SFMBT2: variants seen among roughly 807,000 people sequenced by gnomAD.
The protein encoded by SFMBT2 is Scm like with four mbt domains 2, also known as scm-like with four MBT domains protein 2.
In SFMBT2, 38 loss-of-function variants were observed where a neutral mutation model predicts 110.1. The observed-to-expected ratio is 0.35, with a 90% CI of 0.27 to 0.45. The LOEUF (loss-of-function observed/expected upper bound fraction) is 0.45. Ranked by LOEUF, SFMBT2 falls within the 20% of genes least tolerant of loss-of-function variation. The pLI is 1.00. For synonymous variants in SFMBT2, 425 were observed against 425.4 expected, an observed-to-expected ratio of 1.00 and a Z score of 0.01; for missense variants, 1,011 against 1,094.9, an observed-to-expected ratio of 0.92 and a Z score of 1.08.
intron 4 of SFMBT2, chr10:7,348,371 A>G: frequency 6.8e-7 from 1 of 1,474,090 alleles, no homozygotes; most frequent in Non-Finnish European, 9.0e-7. Context: ...TAATGGCTAT[A>G]ACTTGCTCCT....
intron 4 of SFMBT2, among the ~76,000 whole-genome samples, chr10:7,340,042 A>G (rs1843841538): frequency 6.6e-6 from 1 of 152,184 alleles, no homozygotes; most frequent in African/African-American, 2.4e-5. Flanking sequence ...TGCAAGTGAA[A>G]GCCATGCAGG....
chr10:7,266,726 C>T (rs1433965280), intron 7 of SFMBT2, among the ~76,000 whole-genome samples: 2 of 152,142 alleles, frequency 1.3e-5, no homozygotes, highest in Non-Finnish European at 2.9e-5. Flanking sequence ...CAAGCTCTGG[C>T]GTGATGGGAC....
At chr10:7,381,392 T>C (rs1234308440) in intron 2 of SFMBT2, among the ~76,000 whole-genome samples, 3 of 152,192 alleles carry the variant, frequency 2.0e-5, no homozygotes, top group African/African-American at 4.8e-5. Flanking sequence ...ACTAACTTCC[T>C]GTCAAGGGGT....
chr10:7,327,765 C>A (rs1843439316), intron 4 of SFMBT2, among the ~76,000 whole-genome samples: 1 of 151,792 alleles, frequency 6.6e-6, no homozygotes, highest in African/African-American at 2.4e-5. Flanking sequence ...CAGCATGATG[C>A]CTTCAAGATT....
At chr10:7,199,348 C>T (rs532809658) in intron 14 of SFMBT2, among the ~76,000 whole-genome samples, 38 of 152,246 alleles carry the variant, frequency 2.5e-4, no homozygotes, top group African/African-American at 8.7e-4. Context: ...CCGCCCCCAC[C>T]CTGACTCTAC....
chr10:7,355,460 G>T (rs779083093), intron 4 of SFMBT2, among the ~76,000 whole-genome samples: 48 of 152,132 alleles, frequency 3.2e-4, no homozygotes, highest in Non-Finnish European at 5.0e-4. Context: ...GTCACGTCTA[G>T]GGTTCCAGAT....
chr10:7,390,421 C>T (rs868234637), intron 1 of SFMBT2, among the ~76,000 whole-genome samples: 5 of 152,274 alleles, frequency 3.3e-5, no homozygotes, highest in East Asian at 1.9e-4. Flanking sequence ...AAATGATTCA[C>T]GGCAAACTTC....
intron 4 of SFMBT2, among the ~76,000 whole-genome samples, chr10:7,362,381 A>G (rs1244526728): frequency 6.6e-6 from 1 of 152,228 alleles, no homozygotes; most frequent in Admixed American, 6.5e-5. Flanking sequence ...GATGGCTTGC[A>G]TTAATTCACA....
intron 7 of SFMBT2, among the ~76,000 whole-genome samples, chr10:7,259,367 C>A (rs1245014414): frequency 6.6e-6 from 1 of 152,260 alleles, no homozygotes; most frequent in East Asian, 1.9e-4. Context: ...GAGCCTTCCT[C>A]ACACCCCAGC....
At chr10:7,267,666 G>A in intron 7 of SFMBT2, among the ~76,000 whole-genome samples, 1 of 152,214 alleles carries the variant, frequency 6.6e-6, no homozygotes, top group Admixed American at 6.5e-5. Flanking sequence ...CCAAAGAAGT[G>A]CAGTTGTCTT....
chr10:7,235,259 T>A (rs1212008900), intron 9 of SFMBT2, among the ~76,000 whole-genome samples: 2 of 152,156 alleles, frequency 1.3e-5, no homozygotes, highest in Non-Finnish European at 2.9e-5. Context: ...TCCTAGTGGA[T>A]GGATAGAGAC....
At chr10:7,210,941 G>A (rs1046293208) in intron 11 of SFMBT2, among the ~76,000 whole-genome samples, 8 of 152,216 alleles carry the variant, frequency 5.3e-5, no homozygotes. Flanking sequence ...GGAGGGGAGA[G>A]AGGAGAGAGA....
intron 16 of SFMBT2, among the ~76,000 whole-genome samples, chr10:7,182,021 G>A (rs1838258782): frequency 6.6e-6 from 1 of 152,148 alleles, no homozygotes. Flanking sequence ...ACCTGGGGAT[G>A]GCTGGGTAGG....
chr10:7,387,238 T>C (rs1266445010), intron 1 of SFMBT2, among the ~76,000 whole-genome samples: 1 of 152,154 alleles, frequency 6.6e-6, no homozygotes, highest in Non-Finnish European at 1.5e-5. Flanking sequence ...CCTCAAGAGC[T>C]TACAGTAAAC....
intron 11 of SFMBT2, 66 bp downstream of exon 11, chr10:7,220,345 C>T: frequency 7.1e-7 from 1 of 1,412,606 alleles, no homozygotes; most frequent in Non-Finnish European, 9.9e-7. Flanking sequence ...TGCTTTCCTC[C>T]ACACGTTGCC....
At chr10:7,331,855 C>T (rs1213300941) in intron 4 of SFMBT2, among the ~76,000 whole-genome samples, 5 of 151,830 alleles carry the variant, frequency 3.3e-5, no homozygotes, top group African/African-American at 4.8e-5. Flanking sequence ...AAAAACAATA[C>T]AAAAATTAGC....
intron 4 of SFMBT2, among the ~76,000 whole-genome samples, chr10:7,315,118 G>GAAAGAAAGAAAGAA (rs1564435740): frequency 5.7e-5 from 8 of 140,786 alleles, no homozygotes; most frequent in African/African-American, 1.9e-4. Flanking sequence ...GAAAAAGCAA[G>GAAAGAAAGAAAGAA]CAAGCAAGCC....
intron 2 of SFMBT2, among the ~76,000 whole-genome samples, chr10:7,373,771 C>T (rs1458852934): frequency 2.0e-5 from 3 of 152,112 alleles, no homozygotes; most frequent in East Asian, 1.9e-4. Context: ...GCCGTGGCCA[C>T]CTGCGAAGAG....
chr10:7,378,212 GTGT>G lies in SFMBT2; in HGVS notation c.100+3584_100+3586del, dbSNP rs1564466352. ...GGTGTGTGTGGGTGTATGTGTGGAT[GTGT>G]GATGGATGGGTGTGAGTGTGGGTGT... On this transcript the variant is annotated intron_variant, in intron 2 of 20. Coordinates refer to ENST00000397167, the MANE Select transcript of SFMBT2 (RefSeq NM_001387889.1). Among the ~76,000 whole-genome samples, 82 of 18,450 alleles carry G rather than the reference GTGT, an allele frequency of 4.4e-3. 5 individuals carry two copies. The highest frequency in any genetic ancestry group is 5.5e-3 in the Admixed American group (12 of 2,176). 12.1% of individuals were successfully genotyped at this position (18,450 alleles called of 152,430 possible).
Sources: allele counts gnomAD v4.1 joint callset (sites outside exome capture counted in the v4.1 genomes callset), GRCh38; gene constraint gnomAD v4.1.1; transcripts MANE v1.5; gene names NCBI Gene and HGNC (gene_info 2026-07-23, HGNC 2026-07-21).